The following SLC22A23 variants were observed in gnomAD, a reference collection of about 807,000 sequenced individuals.
SLC22A23 encodes ion transporter protein.
A neutral mutation model predicts 61.0 loss-of-function variants in SLC22A23; 26 were observed. The ratio of observed to expected loss-of-function variants is 0.43; its 90% CI spans 0.31 to 0.59. The LOEUF (loss-of-function observed/expected upper bound fraction) is 0.59. Ranked by LOEUF, SLC22A23 falls within the 20% of genes least tolerant of loss-of-function variation. The pLI is 0.11. For missense variants in SLC22A23, 796 were observed against 934.7 expected, an observed-to-expected ratio of 0.85 and a Z score of 1.94; for synonymous variants, 430 against 413.9, an observed-to-expected ratio of 1.04 and a Z score of -0.47.
intron 1 of SLC22A23, among the ~76,000 whole-genome samples, chr6:3,438,237 T>C (rs570956697): frequency 6.6e-6 from 1 of 152,324 alleles, no homozygotes; most frequent in African/African-American, 2.4e-5. Context: ...CAGACAGTGC[T>C]GCGATCATGT....
In SLC22A23 at chr6:3,340,694, C is replaced by T. The variant is rs1267299957; in HGVS notation, c.914-16692G>A. 4.6e-5 allele frequency among the ~76,000 whole-genome samples: 7 copies of T among 152,208 alleles called. 1 individual carries two copies. Among genetic ancestry groups the T allele is most frequent in the African/African-American group, 9.6e-5 (4 of 41,530 alleles). On this transcript the variant is annotated intron_variant, in intron 3 of 9. Coordinates refer to ENST00000406686, the MANE Select transcript of SLC22A23 (RefSeq NM_015482.2). ...AGCAAATTTATAAAGTGACAGAGTG[C>T]GGCCCTTATGGAAAACAGATGGGGC...
rs1232060246 is a variant in SLC22A23, at chr6:3,284,917, T to C, written c.1579+162A>G. ...AGAGGCAAGAGGGAGAATACAAATG[T>C]ATCCGTATAGTGTCCAACCTACGGC... On this transcript the variant is annotated intron_variant, in intron 8 of 9. Coordinates refer to ENST00000406686, the MANE Select transcript of SLC22A23 (RefSeq NM_015482.2). 3.2e-6 allele frequency: 5 copies of C among 1,540,150 alleles called. No homozygotes were observed. The East Asian group carries it at 9.8e-5, about 30-fold the overall frequency.
intron 5 of SLC22A23, among the ~76,000 whole-genome samples, chr6:3,294,117 C>G (rs13203700): frequency 0.34 from 51,377 of 152,142 alleles, 14,180 homozygotes; most frequent in African/African-American, 0.75. Context: ...CTGCTCCCCA[C>G]TGCTCAGCCT....
chr6:3,299,377 C>A (rs1201054023), intron 4 of SLC22A23, among the ~76,000 whole-genome samples: 1 of 152,198 alleles, frequency 6.6e-6, no homozygotes, highest in Non-Finnish European at 1.5e-5. Context: ...AGTTTCGGAA[C>A]CTGAAGGCTC....
rs36046387 is a variant in SLC22A23, at chr6:3,329,259, G to GA, written c.914-5258dup. 1.1e-4 allele frequency among the ~76,000 whole-genome samples: 16 copies of GA among 149,842 alleles called. No individual in the cohort carries two copies. Among genetic ancestry groups the GA allele is most frequent in the African/African-American group, 3.2e-4 (13 of 40,928 alleles). On this transcript the variant is annotated intron_variant, in intron 3 of 9. Coordinates refer to ENST00000406686, the MANE Select transcript of SLC22A23 (RefSeq NM_015482.2). This position sits in a 1 kb window ranked among gnomAD's most constrained non-coding sequence, Gnocchi z 4.8. ...TAAAAACCTTTTGAAGCCAATCTTT[G>GA]AAAAAAAAAGGCCCATCCTCCCATA...
intron 5 of SLC22A23, among the ~76,000 whole-genome samples, chr6:3,296,220 C>T (rs1049321326): frequency 6.6e-6 from 1 of 152,192 alleles, no homozygotes; most frequent in Non-Finnish European, 1.5e-5. Context: ...GCAAGCATGG[C>T]CCCGCTGGAG....
intron 9 of SLC22A23, among the ~76,000 whole-genome samples, chr6:3,280,266 G>A (rs909335049): frequency 6.6e-6 from 1 of 152,038 alleles, no homozygotes; most frequent in Admixed American, 6.5e-5. Context: ...CACTAAAGCC[G>A]GCCGAGGGAC....
intron 3 of SLC22A23, among the ~76,000 whole-genome samples, chr6:3,409,150 G>C (rs538616679): frequency 6.6e-6 from 1 of 152,336 alleles, no homozygotes; most frequent in Admixed American, 6.5e-5. Flanking sequence ...AGAGACAAGG[G>C]TTCTAAGACA....
intron 9 of SLC22A23, among the ~76,000 whole-genome samples, chr6:3,279,800 C>T (rs1049384852): frequency 2.0e-5 from 3 of 152,046 alleles, no homozygotes; most frequent in African/African-American, 2.4e-5. Context: ...GAACCGAGGG[C>T]GCACACTGCC....
chr6:3,351,675 A>G (rs946753769), intron 3 of SLC22A23, among the ~76,000 whole-genome samples: 3 of 151,110 alleles, frequency 2.0e-5, no homozygotes, highest in African/African-American at 7.3e-5. Flanking sequence ...TGGCCACTTC[A>G]AAGATTCTGT....
intron 3 of SLC22A23, among the ~76,000 whole-genome samples, chr6:3,346,757 C>T (rs1764461498): frequency 6.6e-6 from 1 of 152,180 alleles, no homozygotes; most frequent in Non-Finnish European, 1.5e-5. Flanking sequence ...GGTTCCCTGT[C>T]ATGCCTTTGC....
chr6:3,339,047 A>C (rs1475960002), intron 3 of SLC22A23, among the ~76,000 whole-genome samples: 1 of 152,196 alleles, frequency 6.6e-6, no homozygotes, highest in African/African-American at 2.4e-5. Flanking sequence ...GAGAGCACAG[A>C]GCTGCAGAGG....
intron 1 of SLC22A23, among the ~76,000 whole-genome samples, chr6:3,435,270 T>A (rs1771129795): frequency 6.6e-6 from 1 of 151,824 alleles, no homozygotes; most frequent in East Asian, 1.9e-4. Context: ...CCTGCAGCAA[T>A]GAACTCTTCC....
intron 3 of SLC22A23, among the ~76,000 whole-genome samples, chr6:3,375,884 G>T (rs1200026501): frequency 1.3e-5 from 2 of 152,134 alleles, no homozygotes; most frequent in Admixed American, 1.3e-4. Context: ...GAAAACACAC[G>T]CCTATTCTGC....
In SLC22A23 at chr6:3,312,512, CCTCACCTCCTA is replaced by C. The variant is rs376852974; in HGVS notation, c.1082+11311_1082+11321del. 1,124 of 152,258 alleles carry C rather than the reference CCTCACCTCCTA, an allele frequency of 7.4e-3. 11 individuals carry two copies. The highest frequency in any genetic ancestry group is 0.026 in the African/African-American group (1,084 of 41,536). The allele number at this position is 152,258 out of a possible 1,614,324, so 9.4% of individuals were successfully genotyped here. On this transcript the variant is annotated intron_variant, in intron 4 of 9. Coordinates refer to ENST00000406686, the MANE Select transcript of SLC22A23 (RefSeq NM_015482.2). ...TTTATCCACACCTCTATGATAGCAG[CCTCACCTCCTA>C]CTCACCTCCTAATGAAACAAGTCGC...
chr6:3,303,801 C>G (rs4076125), intron 4 of SLC22A23, among the ~76,000 whole-genome samples: 81,764 of 152,020 alleles, frequency 0.54, 22,300 homozygotes, highest in African/African-American at 0.61. Context: ...TAGGATGACT[C>G]TAGTTAATAA....
At chr6:3,354,795 C>T (rs1218707907) in intron 3 of SLC22A23, among the ~76,000 whole-genome samples, 1 of 152,166 alleles carries the variant, frequency 6.6e-6, no homozygotes, top group Non-Finnish European at 1.5e-5. Flanking sequence ...GGCCAAGTAG[C>T]CATGTAATGG....
intron 3 of SLC22A23, among the ~76,000 whole-genome samples, chr6:3,389,035 C>T (rs536576474): frequency 2.6e-5 from 4 of 151,834 alleles, no homozygotes; most frequent in East Asian, 1.9e-4. Flanking sequence ...TGGGAGGCTG[C>T]GGCGGGCAGA....
At chr6:3,369,022 TCTGA>T (rs1245743234) in intron 3 of SLC22A23, among the ~76,000 whole-genome samples, 2 of 152,026 alleles carry the variant, frequency 1.3e-5, no homozygotes, top group Admixed American at 1.3e-4. Context: ...TTAACCTAAT[TCTGA>T]CTGTCACTAT....
Sources: allele counts gnomAD v4.1 joint callset (sites outside exome capture counted in the v4.1 genomes callset), GRCh38; gene constraint gnomAD v4.1.1; non-coding constraint Gnocchi (gnomAD v3.1); transcripts MANE v1.5; gene names NCBI Gene and HGNC (gene_info 2026-07-23, HGNC 2026-07-21).